ALX4: variants seen among roughly 807,000 people sequenced by gnomAD.
ALX4 encodes the protein ALX homeobox 4, also known as homeobox protein aristaless-like 4.
Under a neutral mutation model 40.6 loss-of-function variants are expected in ALX4, and 22 were observed. That is an observed-to-expected ratio of 0.54 (90% CI 0.39 to 0.77). ALX4 has a LOEUF of 0.77. Among genes scored for constraint, ALX4 ranks in the 30% least tolerant of loss-of-function variants. The probability of loss-of-function intolerance (pLI) is 0.00; values close to 1 mark genes in which losing one functional copy is unlikely to be tolerated. For synonymous variants in ALX4, 266 were observed against 240.5 expected (o/e 1.11, Z -0.98); for missense variants, 556 against 564.8 (o/e 0.98, Z 0.16).
intron 2 of ALX4, among the ~76,000 whole-genome samples, chr11:44,274,983 A>C (rs1956269051): frequency 6.6e-6 from 1 of 152,158 alleles, no homozygotes. Context: ...TGTCTAAGAG[A>C]TAGGCCTTCT....
In ALX4 at chr11:44,275,482, G is replaced by T. The variant is rs770130333; in HGVS notation, c.643C>A (p.Arg215=). Residue 215 remains arginine (R), a synonymous_variant, in exon 2 of 4, where the codon CGG becomes AGG. Transcript: ENST00000652299. ...ADSESNKGKK[R]RNRTTFTSYQ... is the part of the protein sequence containing the mutation. ...CTGGTGAAGGTGGTCCGGTTCCGCC[G>T]CTTCTTGCCCTTGTTGCTCTCTGAG... 3 of 1,614,012 alleles carry T rather than the reference G, an allele frequency of 1.9e-6. No homozygotes were observed. In the Admixed American group the frequency reaches 5.0e-5, roughly 27 times the overall value.
chr11:44,269,016 G>T (rs1399200898), intron 2 of ALX4, among the ~76,000 whole-genome samples: 1 of 152,234 alleles, frequency 6.6e-6, no homozygotes, highest in East Asian at 1.9e-4. Context: ...TCTCCAGGTG[G>T]AAACATTTCT....
chr11:44,291,056 G>A lies in ALX4; in HGVS notation c.467-15398C>T, dbSNP rs928199511. On this transcript the variant is annotated intron_variant, in intron 1 of 3. Coordinates refer to ENST00000652299, the MANE Select transcript of ALX4 (RefSeq NM_021926.4). ...GCATCCTCTCCAGTTCAGGTTTCCCGAGCGGCAGCTCCCAGAATGACATTT... is the reference window on the plus strand; with the variant it reads ...GCATCCTCTCCAGTTCAGGTTTCCCAAGCGGCAGCTCCCAGAATGACATTT... Among the ~76,000 whole-genome samples the A allele has an allele frequency of 2.0e-5, 3 of 152,248 alleles. No homozygotes were observed. The East Asian group carries it at 5.8e-4, about 29-fold the overall frequency.
rs1956246055 is a variant in ALX4 at position 44,271,327 on chromosome 11, C to T, written c.778-3705G>A. Reference sequence around the variant, plus strand: ...GCACTAGGCTGCGACTCAGGAGTCCCGGATTCCAGTCGCAGTGCTGCTACT... The same window carrying T: ...GCACTAGGCTGCGACTCAGGAGTCCTGGATTCCAGTCGCAGTGCTGCTACT... On this transcript the variant is annotated intron_variant, in intron 2 of 3. Transcript: ENST00000652299. Among the ~76,000 whole-genome samples, 6 of 152,350 alleles carry T rather than the reference C, an allele frequency of 3.9e-5. No homozygotes were observed. In the South Asian group the frequency reaches 6.2e-4, roughly 16 times the overall value.
chr11:44,302,284 T>C (rs1956439231), intron 1 of ALX4, among the ~76,000 whole-genome samples: 1 of 152,092 alleles, frequency 6.6e-6, no homozygotes, highest in African/African-American at 2.4e-5. Flanking sequence ...ACCCTCGGCC[T>C]CGCCCTGAAA....
intron 1 of ALX4, among the ~76,000 whole-genome samples, chr11:44,301,145 G>A (rs944798271): frequency 1.3e-5 from 2 of 152,246 alleles, no homozygotes; most frequent in African/African-American, 2.4e-5. Flanking sequence ...TGAGCCTTGC[G>A]TAAATGGAAT....
At chr11:44,286,389 T>C (rs57491170) in intron 1 of ALX4, among the ~76,000 whole-genome samples, 4,086 of 151,426 alleles carry the variant, frequency 0.027, 177 homozygotes, top group African/African-American at 0.094. Context: ...TGAAGAGGAG[T>C]CCCCGGCCCT....
At chr11:44,293,874 G>A (rs865993293) in intron 1 of ALX4, among the ~76,000 whole-genome samples, 1 of 152,258 alleles carries the variant, frequency 6.6e-6, no homozygotes, top group South Asian at 2.1e-4. Flanking sequence ...GGCTGGCCTG[G>A]TTCTCAGGAT....
chr11:44,308,043 G>C (rs1956479818), intron 1 of ALX4, among the ~76,000 whole-genome samples: 1 of 152,224 alleles, frequency 6.6e-6, no homozygotes, highest in Non-Finnish European at 1.5e-5. Flanking sequence ...TGGAGGTGAA[G>C]AGGAAGGTGG....
intron 1 of ALX4, among the ~76,000 whole-genome samples, chr11:44,300,051 G>C (rs540580442): frequency 3.3e-5 from 5 of 152,226 alleles, no homozygotes; most frequent in Admixed American, 3.3e-4. Context: ...ACCCATTATT[G>C]TCTCTGTCCT....
intron 3 of ALX4, 57 bp from the exon 4 acceptor site, chr11:44,265,240 G>C: frequency 6.8e-7 from 1 of 1,474,126 alleles, no homozygotes; most frequent in Non-Finnish European, 9.1e-7. Flanking sequence ...TGTGGAAGGG[G>C]CTCGCCCCTT....
chr11:44,280,763 C>T (rs954327787), intron 1 of ALX4, among the ~76,000 whole-genome samples: 2 of 152,236 alleles, frequency 1.3e-5, no homozygotes, highest in Non-Finnish European at 1.5e-5. Context: ...CAGTGCTCTT[C>T]AAACAATCCT....
intron 1 of ALX4, among the ~76,000 whole-genome samples, chr11:44,302,804 T>A (rs998629036): frequency 1.3e-5 from 2 of 152,144 alleles, no homozygotes; most frequent in Non-Finnish European, 2.9e-5. Flanking sequence ...GGGAAGCCTT[T>A]TCCACCCACC....
chr11:44,268,361 C>A (rs780976006), intron 2 of ALX4, among the ~76,000 whole-genome samples: 2 of 152,190 alleles, frequency 1.3e-5, no homozygotes. Flanking sequence ...AGAGTCAGAT[C>A]GCAGGGGGCC....
intron 1 of ALX4, among the ~76,000 whole-genome samples, chr11:44,287,287 A>G (rs1222784143): frequency 1.3e-5 from 2 of 152,122 alleles, no homozygotes; most frequent in Non-Finnish European, 2.9e-5. Context: ...GGGCTCTCGC[A>G]AAAACAAAAA....
intron 1 of ALX4, among the ~76,000 whole-genome samples, chr11:44,276,189 T>C (rs1051907968): frequency 6.6e-6 from 1 of 152,220 alleles, no homozygotes; most frequent in Admixed American, 6.5e-5. Flanking sequence ...CAGCAGGAGC[T>C]GTGGAGACTC....
intron 1 of ALX4, among the ~76,000 whole-genome samples, chr11:44,294,091 A>G (rs972335824): frequency 6.6e-6 from 1 of 152,256 alleles, no homozygotes; most frequent in African/African-American, 2.4e-5. Context: ...GGCAGTGGGC[A>G]TGAGCCCCCT....
Position 44,264,742 on chromosome 11 carries a change from C to G in ALX4, c.*112G>C. On this transcript the variant is annotated 3_prime_UTR_variant, in exon 4 of 4. Transcript: ENST00000652299. ...CGGCTGAAAGTGCTGAGGGTCAGGC[C>G]CCTGGCCCAGGCCAGGTTCCTAAGA... 1 of 1,262,192 alleles carries G rather than the reference C, an allele frequency of 7.9e-7. No individual in the cohort carries two copies. The highest frequency in any genetic ancestry group is 1.1e-6 in the Non-Finnish European group (1 of 909,864). The allele number at this position is 1,262,192 out of a possible 1,614,324, so 78.2% of individuals were successfully genotyped here.
At chr11:44,282,850 G>T (rs1263330739) in intron 1 of ALX4, among the ~76,000 whole-genome samples, 1 of 152,144 alleles carries the variant, frequency 6.6e-6, no homozygotes, top group African/African-American at 2.4e-5. Context: ...TTTACAAAGG[G>T]CTTGCACTGG....
Sources: gnomAD v4.1 joint callset for allele counts (sites outside exome capture counted in the v4.1 genomes callset) on GRCh38, gnomAD v4.1.1 for gene constraint, MANE v1.5 for transcripts, NCBI Gene and HGNC (gene_info 2026-07-23, HGNC 2026-07-21) for gene names.